The following RSRP1 variants were observed in gnomAD, a reference collection of about 807,000 sequenced individuals.
The protein encoded by RSRP1 is arginine/serine-rich protein 1.
In RSRP1, 37 loss-of-function variants were observed where a neutral mutation model predicts 33.0. That is an observed-to-expected ratio of 1.12 (90% CI 0.86 to 1.48). The LOEUF (loss-of-function observed/expected upper bound fraction) is 1.48, where lower values mean the gene tolerates loss of function less well. RSRP1 is among the 40% of genes most tolerant of loss of function. RSRP1 has a pLI of 0.00. For missense variants in RSRP1, 402 were observed against 385.3 expected (o/e 1.04, Z -0.36); for synonymous variants, 167 against 158.7 (o/e 1.05, Z -0.40).
At chr1:25,280,657 G>A (rs1321365865) in intron 1 of RSRP1, among the ~76,000 whole-genome samples, 1 of 109,432 alleles carries the variant, frequency 9.1e-6, no homozygotes, top group Non-Finnish European at 2.0e-5. Flanking sequence ...CACCCAGGCT[G>A]CTGGAGTGTA....
intron 1 of RSRP1, among the ~76,000 whole-genome samples, chr1:25,254,291 T>C (rs1253959039): frequency 6.6e-6 from 1 of 152,166 alleles, no homozygotes; most frequent in African/African-American, 2.4e-5. Flanking sequence ...TGCAGTGCTA[T>C]ACAGGAGGCA....
At chr1:25,291,332 G>C (rs1446210171) in intron 1 of RSRP1, among the ~76,000 whole-genome samples, 1 of 130,988 alleles carries the variant, frequency 7.6e-6, no homozygotes, top group Non-Finnish European at 1.8e-5. Flanking sequence ...AGCTGGGCAT[G>C]GTGGCAGGCG....
intron 1 of RSRP1, among the ~76,000 whole-genome samples, chr1:25,281,136 G>C (rs560663455): frequency 1.5e-5 from 2 of 132,766 alleles, no homozygotes; most frequent in African/African-American, 5.2e-5. Context: ...GAAAGAGCTA[G>C]AGACAGCCTA....
chr1:25,276,163 G>A (rs1245146630), intron 1 of RSRP1, among the ~76,000 whole-genome samples: 1 of 131,290 alleles, frequency 7.6e-6, no homozygotes, highest in Non-Finnish European at 1.8e-5. Flanking sequence ...TGTTAATTTT[G>A]TTAGGTATGA....
At position 25,284,562 on chromosome 1, in the gene RSRP1, C is replaced by T. The variant is rs769120389; in HGVS notation, c.-66-37533G>A. On this transcript the variant is annotated intron_variant, in intron 1 of 1. Coordinates refer to the RSRP1 transcript ENST00000561867. Reference sequence around the variant, plus strand: ...CCCCCTCGTCCTTCTCGCCATCTCCCCACCGAGCAGTTGGCCAAGATCTGA... The same window carrying T: ...CCCCCTCGTCCTTCTCGCCATCTCCTCACCGAGCAGTTGGCCAAGATCTGA... The T allele has an allele frequency of 8.0e-5, 111 of 1,388,570 alleles. 1 individual carries two copies. The highest frequency in any genetic ancestry group is 1.1e-4 in the Non-Finnish European group (105 of 984,970). 86.0% of individuals were successfully genotyped at this position (1,388,570 alleles called of 1,614,324 possible). A position where few individuals can be genotyped will look rare whatever the true frequency, so the allele number is the denominator to read the frequency against.
chr1:25,262,465 AG>A (rs769207103), intron 1 of RSRP1, among the ~76,000 whole-genome samples: 5 of 152,238 alleles, frequency 3.3e-5, no homozygotes, highest in Non-Finnish European at 7.3e-5. Flanking sequence ...ATACGTAGTC[AG>A]GGTTCGCCAA....
In RSRP1 at chr1:25,268,993, G is replaced by A. The variant is rs531737185; in HGVS notation, c.-66-21964C>T. 3.9e-5 allele frequency among the ~76,000 whole-genome samples: 5 copies of A among 129,370 alleles called. 1 individual carries two copies. The South Asian group carries it at 1.2e-3, about 31-fold the overall frequency. 84.9% of individuals were successfully genotyped at this position (129,370 alleles called of 152,430 possible). ...GGGCAGTCAGGGAAAACTTTCCTGA[G>A]AAGGGGATGGTGGAGGATCCAGGGA... is the stretch of plus-strand genomic sequence containing the variant. On this transcript the variant is annotated intron_variant, in intron 1 of 1. Coordinates refer to the RSRP1 transcript ENST00000561867.
At chr1:25,309,592 T>A (rs1472960480) in intron 1 of RSRP1, among the ~76,000 whole-genome samples, 3 of 129,252 alleles carry the variant, frequency 2.3e-5, no homozygotes, top group African/African-American at 8.5e-5. Context: ...ATCTCTGGAA[T>A]GCCAGTATGG....
intron 1 of RSRP1, chr1:25,301,470 C>A: frequency 7.5e-7 from 1 of 1,341,750 alleles, no homozygotes. Context: ...GAGGCTCAGA[C>A]CTTTGGAGCA....
chr1:25,251,523 T>A (rs1172108965), upstream of RSRP1, among the ~76,000 whole-genome samples: 3 of 151,850 alleles, frequency 2.0e-5, no homozygotes, highest in Non-Finnish European at 4.4e-5. Context: ...GCTTGTGCCA[T>A]CATGCCTGGC....
chr1:25,337,147 C>T (rs1645095205), intron 1 of RSRP1: 1 of 152,722 alleles, frequency 6.5e-6, no homozygotes, highest in Admixed American at 6.5e-5. Flanking sequence ...GCCGCAGCAA[C>T]GCCGTCTCTG....
chr1:25,297,871 G>T lies in RSRP1; in HGVS notation c.-67+40107C>A, dbSNP rs1288676122. Among the ~76,000 whole-genome samples, 2 of 131,390 alleles carry T rather than the reference G, an allele frequency of 1.5e-5. 1 individual carries two copies. Among genetic ancestry groups the T allele is most frequent in the Non-Finnish European group, 3.6e-5 (2 of 55,756 alleles). 86.2% of individuals were successfully genotyped at this position (131,390 alleles called of 152,430 possible). ...AAACAAACACAAAGAACCTCCAAGG[G>T]CAGGAGGTGCTGCCAGACTCAGGAG... On this transcript the variant is annotated intron_variant, in intron 1 of 1. Transcript: ENST00000561867.
At position 25,314,669 on chromosome 1, in the gene RSRP1, T is replaced by G. The variant is rs1289848965; in HGVS notation, c.-67+23309A>C. On this transcript the variant is annotated intron_variant, in intron 1 of 1. Coordinates refer to the RSRP1 transcript ENST00000561867. ...CCACCATGCCCAGCTAACTTCTGTA[T>G]AGACAAAATAATTTTTGGTAGAGAC... Among the ~76,000 whole-genome samples, 2 of 131,604 alleles carry G rather than the reference T, an allele frequency of 1.5e-5. 1 individual carries two copies. The highest frequency in any genetic ancestry group is 5.2e-5 in the African/African-American group (2 of 38,672). 86.3% of individuals were successfully genotyped at this position (131,604 alleles called of 152,430 possible).
intron 3 of RSRP1, chr1:25,244,541 T>C (rs1162607481): frequency 7.8e-7 from 1 of 1,289,130 alleles, no homozygotes; most frequent in East Asian, 5.5e-5. Context: ...CTGTATATGC[T>C]GAGTACAGAA....
At chr1:25,273,302 A>AT (rs750823240) in intron 1 of RSRP1, among the ~76,000 whole-genome samples, 4,807 of 97,918 alleles carry the variant, frequency 0.049, 454 homozygotes, top group African/African-American at 0.13. Flanking sequence ...TGCCTGGCTA[A>AT]TTTTTTTTTT....
intron 4 of RSRP1, 146 bp from the exon 5 acceptor site, chr1:25,242,851 C>A: frequency 1.7e-6 from 1 of 603,246 alleles, no homozygotes; most frequent in Non-Finnish European, 2.9e-6. Context: ...AATCCCAGCA[C>A]TTTGGAAGGC....
chr1:25,269,104 T>C (rs1254286861), intron 1 of RSRP1, among the ~76,000 whole-genome samples: 1 of 132,166 alleles, frequency 7.6e-6, no homozygotes, highest in Non-Finnish European at 1.8e-5. Context: ...GTAGGAAATA[T>C]TGTAAGTCAA....
rs995495703 is a variant in RSRP1 at position 25,254,625 on chromosome 1, G to A, written c.-66-7596C>T. ...AATTTTTTGTATTTTTAGTAGGGAC[G>A]GGGTTTCACCATGTTGACCAGGCTG... On this transcript the variant is annotated intron_variant, in intron 1 of 1. Coordinates refer to the RSRP1 transcript ENST00000561867. Among the ~76,000 whole-genome samples the A allele has an allele frequency of 3.9e-5, 6 of 151,950 alleles. No homozygotes were observed. In the East Asian group the frequency reaches 9.7e-4, roughly 24 times the overall value.
chr1:25,257,358 CCAGA>C (rs1345601673), intron 1 of RSRP1, among the ~76,000 whole-genome samples: 2 of 152,048 alleles, frequency 1.3e-5, no homozygotes, highest in African/African-American at 4.8e-5. Flanking sequence ...CCCCAGCATT[CCAGA>C]CAGTGTATTT....
Sources: allele counts gnomAD v4.1 joint callset (sites outside exome capture counted in the v4.1 genomes callset), GRCh38; gene constraint gnomAD v4.1.1; transcripts MANE v1.5; gene names NCBI Gene and HGNC (gene_info 2026-07-23, HGNC 2026-07-21).